Variants in RAB3GAP2 observed in about 807,000 individuals in gnomAD.
RAB3GAP2 encodes the protein RAB3 GTPase activating non-catalytic protein subunit 2, also known as rab3 GTPase-activating protein non-catalytic subunit.
RAB3GAP2 carries 87 observed loss-of-function variants against 185.3 expected under a neutral mutation model. That is an observed-to-expected ratio of 0.47 (90% CI 0.39 to 0.56). The LOEUF (loss-of-function observed/expected upper bound fraction) is 0.56, where lower values mean the gene tolerates loss of function less well. RAB3GAP2 is among the 20% of genes least tolerant of loss of function. The pLI is 0.00. For synonymous variants in RAB3GAP2, 554 were observed against 576.1 expected (o/e 0.96, Z 0.55); for missense variants, 1,492 against 1,638.2 (o/e 0.91, Z 1.54).
chr1:220,177,944 G>A (rs1033840363), intron 21 of RAB3GAP2, among the ~76,000 whole-genome samples: 11 of 152,126 alleles, frequency 7.2e-5, no homozygotes, highest in Non-Finnish European at 1.3e-4. Context: ...TACAGGTACA[G>A]GAAGGTCAAG....
intron 19 of RAB3GAP2, 34 bp from the exon 20 acceptor site, chr1:220,182,965 C>A (rs1288769099): frequency 6.6e-7 from 1 of 1,516,796 alleles, no homozygotes; most frequent in East Asian, 2.3e-5. Flanking sequence ...AACAACATTC[C>A]ACATCTATCA....
At chr1:220,245,499 C>A (rs776222538) in intron 1 of RAB3GAP2, among the ~76,000 whole-genome samples, 2 of 152,246 alleles carry the variant, frequency 1.3e-5, no homozygotes, top group Admixed American at 1.3e-4. Flanking sequence ...ATATCCCACA[C>A]CTGGCTCGGA....
chr1:220,190,241 CT>C, intron 15 of RAB3GAP2, 95 bp from the exon 16 acceptor site: 1 of 1,499,758 alleles, frequency 6.7e-7, no homozygotes, highest in Admixed American at 1.7e-5. Context: ...TATATATTTC[CT>C]ATTTAACTTT....
chr1:220,246,200 G>T (rs1213496102), intron 1 of RAB3GAP2, among the ~76,000 whole-genome samples: 1 of 152,182 alleles, frequency 6.6e-6, no homozygotes, highest in Non-Finnish European at 1.5e-5. Context: ...GGCCGTCAGA[G>T]AAATGCAAAT....
At chr1:220,162,061 C>T in intron 28 of RAB3GAP2, 137 bp downstream of exon 28, 3 of 704,272 alleles carry the variant, frequency 4.3e-6, no homozygotes, top group African/African-American at 1.8e-5. Context: ...CTGGGCATTA[C>T]ATTTAACTGA....
At chr1:220,193,988 G>C (rs186577473) in intron 12 of RAB3GAP2, among the ~76,000 whole-genome samples, 3 of 152,096 alleles carry the variant, frequency 2.0e-5, no homozygotes, top group African/African-American at 7.2e-5. Context: ...GACGCACAGG[G>C]CCATGTGACT....
intron 21 of RAB3GAP2, among the ~76,000 whole-genome samples, chr1:220,179,081 G>A (rs959203053): frequency 4.6e-5 from 7 of 151,922 alleles, no homozygotes; most frequent in African/African-American, 1.7e-4. Flanking sequence ...AAGAGCAGGA[G>A]AAGCTGTACC....
intron 1 of RAB3GAP2, among the ~76,000 whole-genome samples, chr1:220,251,892 C>A (rs150036155): frequency 5.9e-5 from 9 of 152,158 alleles, no homozygotes; most frequent in African/African-American, 1.7e-4. Context: ...GTGGCTCATG[C>A]CTGTAATCCC....
chr1:220,194,761 T>C (rs968734799), intron 12 of RAB3GAP2, among the ~76,000 whole-genome samples: 3 of 152,236 alleles, frequency 2.0e-5, no homozygotes, highest in Non-Finnish European at 4.4e-5. Flanking sequence ...ACAAACTATC[T>C]AAACTTTTAA....
intron 1 of RAB3GAP2, among the ~76,000 whole-genome samples, chr1:220,259,479 G>A (rs984957084): frequency 6.6e-6 from 1 of 151,954 alleles, no homozygotes; most frequent in Admixed American, 6.6e-5. Flanking sequence ...AAGTAATGGG[G>A]GAAGGACTCC....
chr1:220,250,555 T>C (rs1367659979), intron 1 of RAB3GAP2, among the ~76,000 whole-genome samples: 1 of 152,146 alleles, frequency 6.6e-6, no homozygotes, highest in Non-Finnish European at 1.5e-5. Context: ...AAGGACATGA[T>C]TGTATTTTGA....
Position 220,190,417 on chromosome 1 carries a change from T to A in RAB3GAP2, c.1591A>T (p.Ser531Cys). Residue 531 changes from serine to cysteine, a missense_variant, in exon 15 of 35, where the codon AGT (serine) becomes TGT (cysteine). This residue lies in a region of RAB3GAP2 where 681 missense variants were observed against 689.1 expected (regional missense o/e 0.99). Coordinates refer to ENST00000358951, the MANE Select transcript of RAB3GAP2 (RefSeq NM_012414.4). ...AAGGGAACGTTCACTGTTTTCACAC[T>A]TCCAGACACTGGATCAACCAGACAG... ...QICLVDPVSG[S>C]VKTVNVPFHL... 1.2e-6 allele frequency: 2 copies of A among 1,614,106 alleles called. No homozygotes were observed. Among genetic ancestry groups the A allele is most frequent in the Non-Finnish European group, 1.7e-6 (2 of 1,179,978 alleles).
At chr1:220,265,049 G>A (rs1406804334) in intron 1 of RAB3GAP2, among the ~76,000 whole-genome samples, 1 of 151,986 alleles carries the variant, frequency 6.6e-6, no homozygotes, top group Non-Finnish European at 1.5e-5. Context: ...AATTTTATCT[G>A]TATGATCCTC....
chr1:220,175,145 C>T (rs573685837), intron 21 of RAB3GAP2, among the ~76,000 whole-genome samples: 1 of 152,144 alleles, frequency 6.6e-6, no homozygotes, highest in Non-Finnish European at 1.5e-5. Flanking sequence ...TGTTAAATTG[C>T]CACTAGATTC....
intron 8 of RAB3GAP2, 77 bp from the exon 9 acceptor site, chr1:220,202,451 C>A: frequency 7.0e-7 from 1 of 1,435,332 alleles, no homozygotes; most frequent in Non-Finnish European, 9.7e-7. Flanking sequence ...TAAAACCATA[C>A]TAATTTGTTA....
At chr1:220,250,102 C>T (rs960532645) in intron 1 of RAB3GAP2, among the ~76,000 whole-genome samples, 10 of 152,052 alleles carry the variant, frequency 6.6e-5, no homozygotes, top group African/African-American at 1.7e-4. Context: ...GTACATCCAC[C>T]GACAGCTTGC....
intron 1 of RAB3GAP2, among the ~76,000 whole-genome samples, chr1:220,242,237 A>G (rs1659709928): frequency 6.6e-6 from 1 of 152,178 alleles, no homozygotes; most frequent in South Asian, 2.1e-4. Context: ...TCATTGTTTT[A>G]TTTCATAGTT....
At chr1:220,182,386 A>G in intron 20 of RAB3GAP2, 32 bp from the exon 21 acceptor site, 1 of 1,613,380 alleles carries the variant, frequency 6.2e-7, no homozygotes, top group South Asian at 1.1e-5. Flanking sequence ...ACATTAATCA[A>G]TGACTACTTA....
chr1:220,214,117 C>T, intron 2 of RAB3GAP2, 138 bp from the exon 3 acceptor site: 1 of 860,424 alleles, frequency 1.2e-6, no homozygotes, highest in African/African-American at 1.7e-5. Flanking sequence ...TCATAATATT[C>T]CTTATCAAAA....
Sources: allele counts gnomAD v4.1 joint callset (sites outside exome capture counted in the v4.1 genomes callset), GRCh38; gene constraint gnomAD v4.1.1; regional missense constraint gnomAD v4.1.1; transcripts MANE v1.5; gene names NCBI Gene and HGNC (gene_info 2026-07-23, HGNC 2026-07-21).